Variants in ITPK1 observed in about 807,000 individuals in gnomAD.
The protein encoded by ITPK1 is inositol 1,3,4-trisphosphate 5/6-kinase.
In ITPK1, 21 loss-of-function variants were observed where a neutral mutation model predicts 45.3. The observed-to-expected ratio is 0.46, with a 90% CI of 0.33 to 0.67. ITPK1 has a LOEUF of 0.67. ITPK1 is among the 30% of genes least tolerant of loss of function. The pLI, the probability that ITPK1 is intolerant of heterozygous loss-of-function variation, is 0.02. For missense variants in ITPK1, 474 were observed against 573.5 expected (o/e 0.83, Z 1.77); for synonymous variants, 258 against 253.6 (o/e 1.02, Z -0.16).
chr14:93,093,144 A>C (rs889654096), intron 2 of ITPK1, among the ~76,000 whole-genome samples: 2 of 152,164 alleles, frequency 1.3e-5, no homozygotes, highest in Non-Finnish European at 2.9e-5. Flanking sequence ...CATGGGCTCA[A>C]CACCCATCTG....
chr14:93,018,944 T>G (rs1407706799), intron 3 of ITPK1, among the ~76,000 whole-genome samples: 1 of 152,196 alleles, frequency 6.6e-6, no homozygotes, highest in Non-Finnish European at 1.5e-5. Context: ...GTTTCCCCTT[T>G]GATAGAAACA....
In ITPK1 at chr14:93,033,402, C is replaced by T. The variant is rs1428373296; in HGVS notation, c.121-16601G>A. Among the ~76,000 whole-genome samples, 5 of 152,312 alleles carry T rather than the reference C, an allele frequency of 3.3e-5. No homozygotes were observed. The South Asian group carries it at 1.0e-3, about 32-fold the overall frequency. ...CCTAACCAGAGAAGGAAGGAGGCTT[C>T]CTCAAAGCCCCACAACAGCCAATGC... On this transcript the variant is annotated intron_variant, in intron 3 of 10. Coordinates refer to ENST00000267615, the MANE Select transcript of ITPK1 (RefSeq NM_014216.6).
chr14:93,066,769 T>C (rs1890773563), intron 3 of ITPK1, among the ~76,000 whole-genome samples: 1 of 152,156 alleles, frequency 6.6e-6, no homozygotes, highest in Admixed American at 6.6e-5. Flanking sequence ...AAGAGGGAGA[T>C]GCCAGGTCCT....
intron 5 of ITPK1, among the ~76,000 whole-genome samples, chr14:92,984,962 A>G (rs531304973): frequency 6.6e-6 from 1 of 152,370 alleles, no homozygotes; most frequent in South Asian, 2.1e-4. Context: ...ATAGAAATTT[A>G]GAGTGGAAAA....
Position 92,937,277 on chromosome 14 carries a change from G to A in ITPK1, c.*4284C>T, listed in dbSNP as rs1488034778. On this transcript the variant is annotated 3_prime_UTR_variant, in exon 11 of 11. Coordinates refer to ENST00000267615, the MANE Select transcript of ITPK1 (RefSeq NM_014216.6). ...TGAAGTTGCTTGTGAACAGCTTGAA[G>A]CAAACAGCATTTGTCACAAAGCCCA... 2 of 152,242 alleles carry A rather than the reference G, an allele frequency of 1.3e-5. No individual in the cohort carries two copies. Among genetic ancestry groups the A allele is most frequent in the African/African-American group, 4.8e-5 (2 of 41,444 alleles). The allele number at this position is 152,242 out of a possible 1,614,324, so 9.4% of individuals were successfully genotyped here.
At chr14:93,088,164 G>A (rs566816766) in intron 2 of ITPK1, among the ~76,000 whole-genome samples, 4 of 152,188 alleles carry the variant, frequency 2.6e-5, no homozygotes, top group South Asian at 4.1e-4. Context: ...AGTAATCCCC[G>A]AGCTCTCTCG....
intron 4 of ITPK1, among the ~76,000 whole-genome samples, chr14:93,007,734 G>A (rs898196519): frequency 2.0e-5 from 3 of 152,206 alleles, no homozygotes; most frequent in African/African-American, 4.8e-5. Flanking sequence ...GGATGACACT[G>A]GCCTCTGTTC....
chr14:93,086,358 C>T (rs1388213711), intron 2 of ITPK1, among the ~76,000 whole-genome samples: 3 of 152,244 alleles, frequency 2.0e-5, no homozygotes, highest in Admixed American at 6.5e-5. Flanking sequence ...CACTCCTTAC[C>T]TGGCCTGAGG....
At chr14:93,029,490 GCAGGCAAGGACACCCGAGCCACCCGAGC>G (rs1462028870) in intron 3 of ITPK1, among the ~76,000 whole-genome samples, 2 of 151,960 alleles carry the variant, frequency 1.3e-5, no homozygotes, top group Non-Finnish European at 1.5e-5. Context: ...GGGCAACAGA[GCAGGCAAGGACACCCGAGCCACCCGAGC>G]TTCAGCCCCA....
intron 3 of ITPK1, among the ~76,000 whole-genome samples, chr14:93,061,739 A>G (rs1033319051): frequency 6.6e-6 from 1 of 152,256 alleles, no homozygotes; most frequent in African/African-American, 2.4e-5. Context: ...AGAAATAATC[A>G]TCACAGGCTT....
chr14:93,009,170 C>A (rs1418986761), intron 4 of ITPK1, among the ~76,000 whole-genome samples: 1 of 152,192 alleles, frequency 6.6e-6, no homozygotes, highest in Non-Finnish European at 1.5e-5. Flanking sequence ...CCTAGCAGTG[C>A]AGAATTATCC....
At chr14:93,006,071 C>G (rs894337719) in intron 4 of ITPK1, among the ~76,000 whole-genome samples, 1 of 152,130 alleles carries the variant, frequency 6.6e-6, no homozygotes, top group African/African-American at 2.4e-5. Context: ...GCTGGCTGAG[C>G]AGCAGAGGGA....
intron 3 of ITPK1, among the ~76,000 whole-genome samples, chr14:93,075,326 C>CAAAAAAAAAAAA (rs58089863): frequency 3.7e-5 from 2 of 53,960 alleles, no homozygotes; most frequent in Non-Finnish European, 6.5e-5. Flanking sequence ...GACTCCTTCT[C>CAAAAAAAAAAAA]AAAAAAAAAA....
chr14:92,952,539 G>GA (rs1305475619), intron 8 of ITPK1, among the ~76,000 whole-genome samples: 1 of 152,058 alleles, frequency 6.6e-6, no homozygotes, highest in Non-Finnish European at 1.5e-5. Context: ...GCGACTTAGG[G>GA]AAAAAAATAG....
Position 92,993,793 on chromosome 14 carries a change from C to A in ITPK1, c.364+87G>T, listed in dbSNP as rs1886908183. Reference sequence around the variant, plus strand: ...CCAAAGTGCTTAAAAAGACAAGACCCCTCTGTCTCCACACCTCAGGCCGTG... The same window carrying A: ...CCAAAGTGCTTAAAAAGACAAGACCACTCTGTCTCCACACCTCAGGCCGTG... On this transcript the variant is annotated intron_variant, in intron 5 of 10. Coordinates refer to ENST00000267615, the MANE Select transcript of ITPK1 (RefSeq NM_014216.6). 5.0e-6 allele frequency: 4 copies of A among 806,454 alleles called. No homozygotes were observed. The South Asian group carries it at 5.6e-5, about 11-fold the overall frequency. The allele number at this position is 806,454 out of a possible 1,614,324, so 50.0% of individuals were successfully genotyped here. A position where few individuals can be genotyped will look rare whatever the true frequency, so the allele number is the denominator to read the frequency against.
In ITPK1 at chr14:93,034,748, T is replaced by C. The variant is rs1322010754; in HGVS notation, c.121-17947A>G. Reference sequence around the variant, plus strand: ...CTGAGGGAGGGTGAAGAAGCCAGTTTAGCAGCGGAGAAGGCTGGCATGGCC... The same window carrying C: ...CTGAGGGAGGGTGAAGAAGCCAGTTCAGCAGCGGAGAAGGCTGGCATGGCC... On this transcript the variant is annotated intron_variant, in intron 3 of 10. Coordinates refer to ENST00000267615, the MANE Select transcript of ITPK1 (RefSeq NM_014216.6). This position sits in a 1 kb window ranked among gnomAD's most constrained non-coding sequence, Gnocchi z 4.1. Among the ~76,000 whole-genome samples, 3 of 152,222 alleles carry C rather than the reference T, an allele frequency of 2.0e-5. 1 individual carries two copies. The highest frequency in any genetic ancestry group is 4.4e-5 in the Non-Finnish European group (3 of 68,028).
intron 8 of ITPK1, among the ~76,000 whole-genome samples, chr14:92,953,956 C>T (rs913764980): frequency 6.6e-6 from 1 of 152,146 alleles, no homozygotes; most frequent in Non-Finnish European, 1.5e-5. Context: ...TGCTGTGGCC[C>T]GATCTCGGCT....
chr14:93,019,481 C>T (rs1401128635), intron 3 of ITPK1, among the ~76,000 whole-genome samples: 2 of 152,240 alleles, frequency 1.3e-5, no homozygotes, highest in African/African-American at 4.8e-5. Context: ...ATTTTCCAAG[C>T]ATTTTCATGC....
At chr14:92,956,432 C>G (rs944451811) in intron 8 of ITPK1, among the ~76,000 whole-genome samples, 1 of 151,978 alleles carries the variant, frequency 6.6e-6, no homozygotes, top group Non-Finnish European at 1.5e-5. Context: ...CGTCTGGTCT[C>G]CTGGTATGCA....
Sources: allele counts gnomAD v4.1 joint callset (sites outside exome capture counted in the v4.1 genomes callset), GRCh38; gene constraint gnomAD v4.1.1; non-coding constraint Gnocchi (gnomAD v3.1); transcripts MANE v1.5; gene names NCBI Gene and HGNC (gene_info 2026-07-23, HGNC 2026-07-21).